Variants in IL4R observed in about 807,000 individuals in gnomAD.
IL4R encodes the protein interleukin-4 receptor subunit alpha.
A neutral mutation model predicts 41.5 loss-of-function variants in IL4R; 17 were observed. The ratio of observed to expected loss-of-function variants is 0.41; its 90% confidence interval spans 0.28 to 0.61. IL4R has a LOEUF of 0.61. Ranked by LOEUF, IL4R falls within the 20% of genes least tolerant of loss-of-function variation. The probability of loss-of-function intolerance (pLI) is 0.31; values close to 1 mark genes in which losing one functional copy is unlikely to be tolerated. For missense variants in IL4R, 974 were observed against 1,043.1 expected, an observed-to-expected ratio of 0.93 and a Z score of 0.91; for synonymous variants, 402 against 422.9, an observed-to-expected ratio of 0.95 and a Z score of 0.61.
chr16:27,330,819 G>A (rs2085094156), intron 2 of IL4R, among the ~76,000 whole-genome samples: 1 of 152,046 alleles, frequency 6.6e-6, no homozygotes, highest in Admixed American at 6.6e-5. Context: ...TCTGGGAACT[G>A]GCTTTTTTCA....
chr16:27,327,207 G>A (rs1355984201), intron 1 of IL4R, among the ~76,000 whole-genome samples: 1 of 152,068 alleles, frequency 6.6e-6, no homozygotes, highest in Non-Finnish European at 1.5e-5. Context: ...AGAGGTGCTT[G>A]CATCCTGTCT....
Position 27,328,598 on chromosome 16 carries a change from A to G in IL4R, c.-151-1468A>G, listed in dbSNP as rs1011572639. On this transcript the variant is annotated intron_variant, in intron 1 of 10. Transcript: ENST00000395762. ...AATATATGTTTATTGTACACATGCTATGCCTGTGTCAGGCACTGTTTCAGG... is the reference window on the plus strand; with the variant it reads ...AATATATGTTTATTGTACACATGCTGTGCCTGTGTCAGGCACTGTTTCAGG... Among the ~76,000 whole-genome samples the G allele has an allele frequency of 5.9e-5, 9 of 152,302 alleles. No individual in the cohort carries two copies. The South Asian group carries it at 1.4e-3, about 25-fold the overall frequency.
intron 1 of IL4R, among the ~76,000 whole-genome samples, chr16:27,321,608 T>C (rs944514051): frequency 1.3e-5 from 2 of 152,248 alleles, no homozygotes; most frequent in Non-Finnish European, 2.9e-5. Context: ...CTATATGAGC[T>C]GCTGTTAATC....
intron 7 of IL4R, 84 bp from the exon 8 acceptor site, chr16:27,355,724 G>T: frequency 2.1e-6 from 2 of 933,690 alleles, no homozygotes; most frequent in Non-Finnish European, 1.7e-6. Flanking sequence ...CGAGGGTCCT[G>T]ACCCTGGGTC....
Position 27,352,521 on chromosome 16 carries a change from T to A in IL4R, c.514-19T>A, listed in dbSNP as rs1432774136. On this transcript the variant is annotated intron_variant, in intron 6 of 10. Transcript: ENST00000395762. ...CTCGCCCCCGGCTGGTGCCCTAACA[T>A]CTCCCTTTTCTCTACCAGTTCAGAA... is the stretch of plus-strand genomic sequence containing the variant. 2 of 1,610,908 alleles carry A rather than the reference T, an allele frequency of 1.2e-6. No individual in the cohort carries two copies. Among genetic ancestry groups the A allele is most frequent in the Non-Finnish European group, 1.7e-6 (2 of 1,177,610 alleles).
intron 1 of IL4R, among the ~76,000 whole-genome samples, chr16:27,317,727 C>T (rs543665073): frequency 6.6e-6 from 1 of 152,318 alleles, no homozygotes; most frequent in South Asian, 2.1e-4. Flanking sequence ...GGCTACTTCC[C>T]AGCTCTCCAC....
At chr16:27,320,573 A>G (rs6498011) in intron 1 of IL4R, among the ~76,000 whole-genome samples, 95,537 of 152,010 alleles carry the variant, frequency 0.63, 30,397 homozygotes, top group African/African-American at 0.69. Flanking sequence ...CCAGGGCTAC[A>G]GACCCAGAAG....
Position 27,346,577 on chromosome 16 carries a change from A to T in IL4R, c.472A>T (p.Thr158Ser), listed in dbSNP as rs2085652504. 3.1e-6 allele frequency: 5 copies of T among 1,610,512 alleles called. No homozygotes were observed. In the East Asian group the frequency reaches 8.9e-5, roughly 29 times the overall value. ...PPDNYLYNHL[T>S]YAVNIWSEND... ...TGACAATTACCTGTATAATCATCTC[A>T]CCTATGCAGTCAACATTTGGAGTGA... Residue 158 changes from threonine to serine, a missense_variant, in exon 6 of 11, where the codon ACC (threonine) becomes TCC (serine). Around this residue, in one of 3 missense-constraint regions of IL4R, gnomAD observed 284 missense variants for 313.4 expected, o/e 0.91. Transcript: ENST00000395762.
chr16:27,354,588 G>A (rs2085992801), intron 7 of IL4R, among the ~76,000 whole-genome samples: 1 of 152,236 alleles, frequency 6.6e-6, no homozygotes, highest in Admixed American at 6.5e-5. Context: ...GGATAATCGT[G>A]ATTGGCTCAA....
chr16:27,327,712 G>A (rs2084996752), intron 1 of IL4R, among the ~76,000 whole-genome samples: 1 of 152,074 alleles, frequency 6.6e-6, no homozygotes, highest in South Asian at 2.1e-4. Flanking sequence ...ATGGTTCTGT[G>A]ACCACCAGCA....
rs2085849336 is a variant in IL4R, at chr16:27,351,009, T to C, written c.514-1531T>C. ...CACAGCTTTAAACAACACCCATTTA[T>C]TATCTCATAGTTTCTGTGGTTGGGA... On this transcript the variant is annotated intron_variant, in intron 6 of 10. Coordinates refer to ENST00000395762, the MANE Select transcript of IL4R (RefSeq NM_000418.4). Among the ~76,000 whole-genome samples the C allele has an allele frequency of 2.6e-5, 4 of 152,354 alleles. No individual in the cohort carries two copies. The South Asian group carries it at 8.3e-4, about 32-fold the overall frequency.
chr16:27,320,451 G>A (rs564206892), intron 1 of IL4R, among the ~76,000 whole-genome samples: 1 of 152,332 alleles, frequency 6.6e-6, no homozygotes, highest in South Asian at 2.1e-4. Context: ...GCTGGGTGCA[G>A]GAATGGAGAT....
In IL4R at chr16:27,334,140, C is replaced by T. The variant is rs186771837; in HGVS notation, c.-19+3942C>T. ...CTCATGATCTGCCTGCCTCAGCCTC[C>T]CGAAGTGCTGGGATTACAGGCGTGA... On this transcript the variant is annotated intron_variant, in intron 2 of 10. Coordinates refer to ENST00000395762, the MANE Select transcript of IL4R (RefSeq NM_000418.4). 1.4e-4 allele frequency among the ~76,000 whole-genome samples: 22 copies of T among 152,222 alleles called. No individual in the cohort carries two copies. The East Asian group carries it at 4.1e-3, about 28-fold the overall frequency.
Position 27,330,148 on chromosome 16 carries a change from GGAGGCT to G in IL4R, c.-63_-58del, listed in dbSNP as rs2085073698. On this transcript the variant is annotated 5_prime_UTR_variant, in exon 2 of 11. Transcript: ENST00000395762. ...TCATGCCTATAATCCCAGCACTTTT[GGAGGCT>G]GAGGCGGGCAGATCACTTGAGATCA... 1 of 152,004 alleles carries G rather than the reference GGAGGCT, an allele frequency of 6.6e-6. No individual in the cohort carries two copies. The highest frequency in any genetic ancestry group is 6.6e-5 in the Admixed American group (1 of 15,248). 9.4% of individuals were successfully genotyped at this position (152,004 alleles called of 1,614,324 possible).
At position 27,364,424 on chromosome 16, in the gene IL4R, G is replaced by C. The variant is rs1433049732; in HGVS notation, c.*594G>C. 6.5e-6 allele frequency: 1 copy of C among 153,060 alleles called. No homozygotes were observed. The highest frequency in any genetic ancestry group is 1.5e-5 in the Non-Finnish European group (1 of 68,726). The allele number at this position is 153,060 out of a possible 1,614,324, so 9.5% of individuals were successfully genotyped here. A position where few individuals can be genotyped will look rare whatever the true frequency, so the allele number is the denominator to read the frequency against. On this transcript the variant is annotated 3_prime_UTR_variant, in exon 11 of 11. Coordinates refer to ENST00000395762, the MANE Select transcript of IL4R (RefSeq NM_000418.4). ...GAGGCAGAATCCCGGCTGTCAAGGG[G>C]TGTTCAGTTAAGGGGAGCAACAGAG...
intron 6 of IL4R, among the ~76,000 whole-genome samples, chr16:27,350,109 A>G (rs898558325): frequency 1.3e-5 from 2 of 152,096 alleles, no homozygotes; most frequent in African/African-American, 2.4e-5. Flanking sequence ...TTTTCCTCCC[A>G]TGGACATTTC....
rs1054575142 is a variant in IL4R at position 27,332,283 on chromosome 16, G to A, written c.-19+2085G>A. Reference sequence around the variant, plus strand: ...GCTTCAGGAAACATATTATCATGGCGGAAAGGGAAGCAAAGACATCCTTTT... The same window carrying A: ...GCTTCAGGAAACATATTATCATGGCAGAAAGGGAAGCAAAGACATCCTTTT... On this transcript the variant is annotated intron_variant, in intron 2 of 10. Coordinates refer to ENST00000395762, the MANE Select transcript of IL4R (RefSeq NM_000418.4). Among the ~76,000 whole-genome samples, 24 of 152,216 alleles carry A rather than the reference G, an allele frequency of 1.6e-4. 1 individual carries two copies. Among genetic ancestry groups the A allele is most frequent in the Non-Finnish European group, 1.0e-4 (7 of 68,004 alleles).
intron 6 of IL4R, 130 bp from the exon 7 acceptor site, chr16:27,352,410 G>A (rs373436573): frequency 2.8e-6 from 2 of 708,982 alleles, no homozygotes; most frequent in South Asian, 1.7e-5. Flanking sequence ...GGCCTGAACA[G>A]GACGAACAAC....
intron 1 of IL4R, among the ~76,000 whole-genome samples, chr16:27,319,037 AC>A (rs2084732436): frequency 6.6e-6 from 1 of 152,172 alleles, no homozygotes; most frequent in Non-Finnish European, 1.5e-5. Context: ...GGGCTTGGTG[AC>A]TTTGAGGAAG....
Sources: gnomAD v4.1 joint callset for allele counts (sites outside exome capture counted in the v4.1 genomes callset) on GRCh38, gnomAD v4.1.1 for gene constraint, gnomAD v4.1.1 regional missense constraint, MANE v1.5 for transcripts, NCBI Gene and HGNC (gene_info 2026-07-23, HGNC 2026-07-21) for gene names.